The following ANKRD30B variants were observed in gnomAD, a reference collection of about 807,000 sequenced individuals.
ANKRD30B encodes the protein ankyrin repeat domain-containing protein 30B.
Under a neutral mutation model 202.2 loss-of-function variants are expected in ANKRD30B, and 144 were observed. The observed-to-expected ratio is 0.71, with a 90% CI of 0.62 to 0.82. ANKRD30B has a LOEUF of 0.82. ANKRD30B is among the 40% of genes least tolerant of loss of function. The probability of loss-of-function intolerance (pLI) is 0.00; values close to 1 mark genes in which losing one functional copy is unlikely to be tolerated. For missense variants in ANKRD30B, 1,487 were observed against 1,669.1 expected, an observed-to-expected ratio of 0.89 and a Z score of 1.90; for synonymous variants, 508 against 561.3, an observed-to-expected ratio of 0.91 and a Z score of 1.34.
the ANKRD30B span, among the ~76,000 whole-genome samples, chr18:14,895,874 A>G: frequency 6.6e-6 from 1 of 152,206 alleles, no homozygotes; most frequent in Non-Finnish European, 1.5e-5. Context: ...GAGAGGAGAA[A>G]AAGGATGAAA....
Position 14,748,605 on chromosome 18 carries a change from G to T in ANKRD30B, c.186G>T (p.Lys62Asn). Residue 62 changes from lysine to asparagine, a missense_variant, in exon 1 of 44, where the codon AAG becomes AAT. By Grantham distance (94) the Lys-to-Asn change is moderately conservative (BLOSUM62 0). Transcript: ENST00000690538. ...TGGAGAAGATGACAGTAGGGAAGAA[G>T]CCCGTCAACCTGAACAAAAGAGATA... ...QKLEKMTVGK[K>N]PVNLNKRDMK... 6.4e-7 allele frequency: 1 copy of T among 1,567,064 alleles called. No individual in the cohort carries two copies.
chr18:14,929,090 A>T, the ANKRD30B span, among the ~76,000 whole-genome samples: 5 of 152,204 alleles, frequency 3.3e-5, no homozygotes, highest in Non-Finnish European at 7.3e-5. Context: ...TTCCAAACTC[A>T]GCCCTGGGCA....
At chr18:14,916,620 G>T in the ANKRD30B span, among the ~76,000 whole-genome samples, 1 of 152,094 alleles carries the variant, frequency 6.6e-6, no homozygotes, top group Non-Finnish European at 1.5e-5. Flanking sequence ...GGGTGGGGGA[G>T]GTTGTGATAT....
chr18:14,919,539 G>A, the ANKRD30B span, among the ~76,000 whole-genome samples: 4 of 152,184 alleles, frequency 2.6e-5, no homozygotes, highest in African/African-American at 9.6e-5. Context: ...CAGGGCTCCA[G>A]CATGTAGGCA....
the ANKRD30B span, among the ~76,000 whole-genome samples, chr18:14,940,945 T>A: frequency 3.9e-5 from 6 of 152,242 alleles, no homozygotes; most frequent in Admixed American, 3.9e-4. Flanking sequence ...GGGACTCTTA[T>A]GTAAATGAAA....
In ANKRD30B at chr18:14,810,180, G is replaced by A. The variant is rs1385028502; in HGVS notation, c.2488G>A (p.Ala830Thr). 1 of 1,370,890 alleles carries A rather than the reference G, an allele frequency of 7.3e-7. No homozygotes were observed. The highest frequency in any genetic ancestry group is 9.9e-7 in the Non-Finnish European group (1 of 1,005,386). The allele number at this position is 1,370,890 out of a possible 1,614,324, so 84.9% of individuals were successfully genotyped here. A position where few individuals can be genotyped will look rare whatever the true frequency, so the allele number is the denominator to read the frequency against. The change falls in exon 28 of 44, where the codon GCT (alanine) becomes ACT (threonine). Residue 830 changes from alanine to threonine, a missense_variant and splice_region_variant. By Grantham distance (58) the Ala-to-Thr change is moderately conservative (BLOSUM62 0). Transcript: ENST00000690538. Reference sequence around the variant, plus strand: ...AAAGGACAGAGAAACATTAAAAGCAGGTAAACTTTGTAATTTAAATTTTAC... The same window carrying A: ...AAAGGACAGAGAAACATTAAAAGCAAGTAAACTTTGTAATTTAAATTTTAC... Reference protein sequence around the residue: ...ELKDRETLKAAQMFPSESKQK... With the variant: ...ELKDRETLKATQMFPSESKQK...
rs777378230 is a variant in ANKRD30B at position 14,797,827 on chromosome 18, T to A, written c.2002T>A (p.Leu668Ile). The A allele has an allele frequency of 2.6e-6, 4 of 1,551,006 alleles. No individual in the cohort carries two copies. The highest frequency in any genetic ancestry group is 3.5e-6 in the Non-Finnish European group (4 of 1,147,172). Residue 668 changes from leucine (L) to isoleucine (I), a missense_variant, in exon 20 of 44, where the codon TTA (leucine) becomes ATA (isoleucine). By Grantham distance (5) the Leu-to-Ile change is conservative. This residue lies in a region of ANKRD30B where 889 missense variants were observed against 841.4 expected (regional missense o/e 1.06). Coordinates refer to ENST00000690538, the MANE Select transcript of ANKRD30B (RefSeq NM_001367607.2). Reference sequence around the variant, plus strand: ...TTCTCTTCCAAATAAAGCCTTAGAATTAAAGGACAGAGAAACACTCAAAGC... The same window carrying A: ...TTCTCTTCCAAATAAAGCCTTAGAAATAAAGGACAGAGAAACACTCAAAGC... ...KVSLPNKALE[L>I]KDRETLKAES...
At chr18:14,919,077 C>T in the ANKRD30B span, among the ~76,000 whole-genome samples, 364 of 152,302 alleles carry the variant, frequency 2.4e-3, 1 homozygote, top group Non-Finnish European at 3.8e-3. Context: ...AGAAATTACT[C>T]GGTTCCAGGT....
chr18:14,792,934 A>T (rs1278417299), intron 16 of ANKRD30B, among the ~76,000 whole-genome samples: 2 of 152,188 alleles, frequency 1.3e-5, no homozygotes, highest in Non-Finnish European at 2.9e-5. Flanking sequence ...CATGACTTGA[A>T]TACTTAAATT....
Position 14,748,341 on chromosome 18 carries a change from C to A in ANKRD30B, c.-79C>A. 3.3e-6 allele frequency: 4 copies of A among 1,227,506 alleles called. No individual in the cohort carries two copies. Among genetic ancestry groups the A allele is most frequent in the Non-Finnish European group, 2.2e-6 (2 of 926,686 alleles). 76.0% of individuals were successfully genotyped at this position (1,227,506 alleles called of 1,614,324 possible). A position where few individuals can be genotyped will look rare whatever the true frequency, so the allele number is the denominator to read the frequency against. ...GGGGCGGGTGCTGGGGAAGGGTAAG[C>A]GGGAAGCGAGGGCGAGGGGTAGGGG... On this transcript the variant is annotated 5_prime_UTR_variant, in exon 1 of 44. Coordinates refer to ENST00000690538, the MANE Select transcript of ANKRD30B (RefSeq NM_001367607.2).
At chr18:14,923,083 A>G in the ANKRD30B span, among the ~76,000 whole-genome samples, 5 of 152,200 alleles carry the variant, frequency 3.3e-5, no homozygotes, top group Non-Finnish European at 1.5e-5. Context: ...TAAAGAGTCC[A>G]CAGGCCCTGA....
intron 22 of ANKRD30B, among the ~76,000 whole-genome samples, chr18:14,800,647 A>G (rs1382822582): frequency 5.5e-5 from 8 of 146,656 alleles, no homozygotes; most frequent in Admixed American, 4.1e-4. Context: ...CACTAGTACC[A>G]TTTATTGCCT....
rs574864664 is a variant in ANKRD30B at position 14,825,849 on chromosome 18, T to C, written c.2744-2429T>C. On this transcript the variant is annotated intron_variant, in intron 32 of 43. Coordinates refer to ENST00000690538, the MANE Select transcript of ANKRD30B (RefSeq NM_001367607.2). ...CAGAAAAGAGGTACAGTTAATATGA[T>C]TTAGTGATTATTGATTTGAAAAAGC... 1.2e-3 allele frequency among the ~76,000 whole-genome samples: 186 copies of C among 152,224 alleles called. 1 individual carries two copies. Among genetic ancestry groups the C allele is most frequent in the African/African-American group, 4.3e-3 (180 of 41,520 alleles).
intron 7 of ANKRD30B, among the ~76,000 whole-genome samples, chr18:14,766,103 C>G (rs1313963900): frequency 6.6e-6 from 1 of 151,928 alleles, no homozygotes; most frequent in Non-Finnish European, 1.5e-5. Flanking sequence ...GTTTAAAAAG[C>G]TAGGGGACAG....
the ANKRD30B span, among the ~76,000 whole-genome samples, chr18:14,873,477 A>T: frequency 2.8e-5 from 4 of 145,398 alleles, no homozygotes; most frequent in African/African-American, 1.0e-4. Flanking sequence ...GTGAGCCGAG[A>T]TGGTGCCATT....
rs1367949153 is a variant in ANKRD30B at position 14,796,412 on chromosome 18, G to A, written c.1924G>A (p.Ala642Thr). The A allele has an allele frequency of 1.9e-6, 3 of 1,546,576 alleles. No homozygotes were observed. Among genetic ancestry groups the A allele is most frequent in the Admixed American group, 2.0e-5 (1 of 50,048 alleles). The change falls in exon 18 of 44, where the codon GCA becomes ACA. Residue 642 changes from alanine to threonine, a missense_variant. Around this residue, in one of 6 missense-constraint regions of ANKRD30B, gnomAD observed 889 missense variants for 841.4 expected, o/e 1.06. Transcript: ENST00000690538. ...ATTAAAGGACAGAGAAACATTCAAAGCAGGTAAATTTTGTAATTTAACTTT... is the reference window on the plus strand; with the variant it reads ...ATTAAAGGACAGAGAAACATTCAAAACAGGTAAATTTTGTAATTTAACTTT... ...LELKDRETFK[A>T]ESPDKDGLLK...
At chr18:14,777,693 G>A (rs1033612251) in intron 9 of ANKRD30B, among the ~76,000 whole-genome samples, 7 of 151,914 alleles carry the variant, frequency 4.6e-5, no homozygotes, top group African/African-American at 7.2e-5. Context: ...CATAATCCCA[G>A]TGCTTTGGGA....
chr18:14,752,974 C>CT lies in ANKRD30B; in HGVS notation c.473dup (p.Leu159AlafsTer14). 1 of 1,603,548 alleles carries CT rather than the reference C, an allele frequency of 6.2e-7. No homozygotes were observed. ...TGAGAATTTGTTAATGGTGGCAACA[C>CT]TGCTGTCCTATGGTGCAGTCATCGA... is the stretch of plus-strand genomic sequence containing the variant. On this transcript the variant is annotated frameshift_variant, in exon 3 of 44. Coordinates refer to ENST00000690538, the MANE Select transcript of ANKRD30B (RefSeq NM_001367607.2). LOFTEE classifies it high-confidence loss of function.
In ANKRD30B at chr18:14,828,203, C is replaced by G. The variant is rs1039314426; in HGVS notation, c.2744-75C>G. 457 of 1,162,170 alleles carry G rather than the reference C, an allele frequency of 3.9e-4. 2 individuals carry two copies. Among genetic ancestry groups the G allele is most frequent in the Non-Finnish European group, 3.8e-4 (310 of 812,728 alleles). 72.0% of individuals were successfully genotyped at this position (1,162,170 alleles called of 1,614,324 possible). ...GATTACAGGCATGTGCCATCGTGCC[C>G]TCTTATGTTTTTAATATTCTGTATT... On this transcript the variant is annotated intron_variant, in intron 32 of 43. Coordinates refer to ENST00000690538, the MANE Select transcript of ANKRD30B (RefSeq NM_001367607.2).
Sources: allele counts gnomAD v4.1 joint callset (sites outside exome capture counted in the v4.1 genomes callset), GRCh38; gene constraint gnomAD v4.1.1; regional missense constraint gnomAD v4.1.1; transcripts MANE v1.5; gene names NCBI Gene and HGNC (gene_info 2026-07-23, HGNC 2026-07-21).